Variants in HMGCLL1 observed in about 807,000 individuals in gnomAD.
The protein encoded by HMGCLL1 is 3-hydroxymethyl-3-methylglutaryl-CoA lyase, cytoplasmic.
In HMGCLL1, 36 loss-of-function variants were observed where a neutral mutation model predicts 39.1. The ratio of observed to expected loss-of-function variants is 0.92; its 90% CI spans 0.71 to 1.22. The LOEUF (loss-of-function observed/expected upper bound fraction) is 1.22, where lower values mean the gene tolerates loss of function less well. Among genes scored for constraint, HMGCLL1 ranks in the 50% most tolerant of loss-of-function variants. HMGCLL1 has a pLI of 0.00. For missense variants in HMGCLL1, 451 were observed against 416.5 expected (o/e 1.08, Z -0.72); for synonymous variants, 149 against 144.0 (o/e 1.03, Z -0.25).
chr6:55,593,250 C>T, the HMGCLL1 span, among the ~76,000 whole-genome samples: 17,682 of 152,016 alleles, frequency 0.12, 1,249 homozygotes, highest in East Asian at 0.3. Context: ...CATAAAGCTG[C>T]TTACATGCTT....
chr6:55,467,716 C>A (rs536581879), intron 7 of HMGCLL1, among the ~76,000 whole-genome samples: 1 of 152,142 alleles, frequency 6.6e-6, no homozygotes, highest in East Asian at 1.9e-4. Context: ...GAAACTATAT[C>A]TTGACAGTAT....
At chr6:55,593,118 T>G in the HMGCLL1 span, among the ~76,000 whole-genome samples, 1 of 152,098 alleles carries the variant, frequency 6.6e-6, no homozygotes, top group East Asian at 1.9e-4. Flanking sequence ...TTCACTGAGC[T>G]GTTGAGAGCC....
intron 7 of HMGCLL1, among the ~76,000 whole-genome samples, chr6:55,449,574 A>C (rs1554140292): frequency 6.6e-6 from 1 of 152,190 alleles, no homozygotes; most frequent in Non-Finnish European, 1.5e-5. Context: ...GGATATACCA[A>C]TTGATAAAAG....
the HMGCLL1 span, among the ~76,000 whole-genome samples, chr6:55,627,841 G>A: frequency 1.8e-5 from 2 of 110,118 alleles, no homozygotes; most frequent in African/African-American, 7.0e-5. Flanking sequence ...GCTTATTGTG[G>A]GACCTTGTGA....
chr6:55,583,547 A>G (rs547312528), upstream of HMGCLL1, among the ~76,000 whole-genome samples: 2 of 152,212 alleles, frequency 1.3e-5, no homozygotes, highest in South Asian at 2.1e-4. Context: ...ATGGCTGCAT[A>G]GTATTCCATG....
the HMGCLL1 span, among the ~76,000 whole-genome samples, chr6:55,634,144 C>A: frequency 6.6e-6 from 1 of 151,654 alleles, no homozygotes; most frequent in East Asian, 1.9e-4. Flanking sequence ...AAAGTTAATA[C>A]AATGCAAAAT....
At chr6:55,448,672 T>C (rs1358795387) in intron 7 of HMGCLL1, among the ~76,000 whole-genome samples, 3 of 152,188 alleles carry the variant, frequency 2.0e-5, no homozygotes, top group Non-Finnish European at 4.4e-5. Context: ...TTTTGCCTGT[T>C]GTTGATTGGA....
the HMGCLL1 span, among the ~76,000 whole-genome samples, chr6:55,589,424 T>A: frequency 6.6e-6 from 1 of 152,146 alleles, no homozygotes; most frequent in African/African-American, 2.4e-5. Flanking sequence ...GAGCTATTTA[T>A]GACAAACCCA....
intron 7 of HMGCLL1, among the ~76,000 whole-genome samples, chr6:55,469,403 GTATA>G: frequency 7.3e-6 from 1 of 136,218 alleles, no homozygotes; most frequent in South Asian, 2.3e-4. Flanking sequence ...ACATATATAT[GTATA>G]TATACTTATA....
At chr6:55,593,213 A>C in the HMGCLL1 span, among the ~76,000 whole-genome samples, 1 of 152,150 alleles carries the variant, frequency 6.6e-6, no homozygotes, top group East Asian at 1.9e-4. Flanking sequence ...ACAGAACCAT[A>C]TTCATGAGTA....
intron 7 of HMGCLL1, among the ~76,000 whole-genome samples, chr6:55,442,111 A>T (rs1763623697): frequency 6.6e-6 from 1 of 152,164 alleles, no homozygotes; most frequent in East Asian, 1.9e-4. Context: ...AATATAAATT[A>T]TGACGGCTGG....
chr6:55,578,874 A>T, intron 1 of HMGCLL1, 74 bp downstream of exon 1: 1 of 1,076,196 alleles, frequency 9.3e-7, no homozygotes, highest in Non-Finnish European at 1.4e-6. Context: ...GAGGGCACCA[A>T]GAGGTTGCAG....
At chr6:55,673,000 C>T in the HMGCLL1 span, among the ~76,000 whole-genome samples, 231 of 152,078 alleles carry the variant, frequency 1.5e-3, no homozygotes, top group Admixed American at 3.2e-3. Context: ...AGTTTATATA[C>T]TGGATACTCC....
chr6:55,645,500 G>GT, the HMGCLL1 span, among the ~76,000 whole-genome samples: 1 of 151,914 alleles, frequency 6.6e-6, no homozygotes, highest in Non-Finnish European at 1.5e-5. Flanking sequence ...AAGGCTTTCA[G>GT]TTTTTTCTCA....
At chr6:55,647,325 A>G in the HMGCLL1 span, among the ~76,000 whole-genome samples, 2 of 151,816 alleles carry the variant, frequency 1.3e-5, no homozygotes, top group Non-Finnish European at 2.9e-5. Context: ...GTAACAGATC[A>G]TTGGGTCTTA....
At chr6:55,624,015 T>A in the HMGCLL1 span, among the ~76,000 whole-genome samples, 287 of 152,234 alleles carry the variant, frequency 1.9e-3, 1 homozygote, top group Non-Finnish European at 3.4e-3. Flanking sequence ...ACGTTTTGGA[T>A]CCACTGTAAT....
intron 7 of HMGCLL1, among the ~76,000 whole-genome samples, chr6:55,449,703 C>A (rs938960261): frequency 6.6e-6 from 1 of 152,204 alleles, no homozygotes; most frequent in African/African-American, 2.4e-5. Flanking sequence ...TATTGGATCT[C>A]TTCTGTTGAC....
the HMGCLL1 span, among the ~76,000 whole-genome samples, chr6:55,612,887 T>G: frequency 3.3e-5 from 5 of 152,146 alleles, no homozygotes; most frequent in African/African-American, 1.2e-4. Context: ...GTCATAGGCA[T>G]GGGCAAAGAT....
chr6:55,660,157 T>C, the HMGCLL1 span, among the ~76,000 whole-genome samples: 1 of 151,820 alleles, frequency 6.6e-6, no homozygotes, highest in African/African-American at 2.4e-5. Context: ...TAATATTTAG[T>C]GTGTTCCAGA....
Sources: allele counts gnomAD v4.1 joint callset (sites outside exome capture counted in the v4.1 genomes callset), GRCh38; gene constraint gnomAD v4.1.1; transcripts MANE v1.5; gene names NCBI Gene and HGNC (gene_info 2026-07-23, HGNC 2026-07-21).